ARHGEF28: variants seen among roughly 807,000 people sequenced by gnomAD.
ARHGEF28 encodes 190 kDa guanine nucleotide exchange factor.
Under a neutral mutation model 206.6 loss-of-function variants are expected in ARHGEF28, and 152 were observed. The ratio of observed to expected loss-of-function variants is 0.74; its 90% CI spans 0.64 to 0.84. The LOEUF (loss-of-function observed/expected upper bound fraction) is 0.84, where lower values mean the gene tolerates loss of function less well. Among genes scored for constraint, ARHGEF28 ranks in the 40% least tolerant of loss-of-function variants. The pLI is 0.00. For missense variants in ARHGEF28, 2,028 were observed against 2,073.2 expected (o/e 0.98, Z 0.42); for synonymous variants, 763 against 776.4 (o/e 0.98, Z 0.29).
chr5:73,730,060 A>T (rs1427106993), intron 2 of ARHGEF28, among the ~76,000 whole-genome samples: 1 of 152,222 alleles, frequency 6.6e-6, no homozygotes. Flanking sequence ...TCGCCATCTA[A>T]TTCTGATCTA....
chr5:73,742,787 G>GTGAGC (rs1274780286), intron 2 of ARHGEF28, among the ~76,000 whole-genome samples: 7 of 145,326 alleles, frequency 4.8e-5, no homozygotes, highest in Non-Finnish European at 7.5e-5. Flanking sequence ...TTGCGCCACT[G>GTGAGC]CAGTCCGCAG....
chr5:73,689,664 C>T (rs768503921), intron 2 of ARHGEF28, among the ~76,000 whole-genome samples: 1 of 152,044 alleles, frequency 6.6e-6, no homozygotes, highest in Non-Finnish European at 1.5e-5. Context: ...TATATATGAG[C>T]ATTGCAAATC....
At chr5:73,679,348 C>G (rs777818319) in intron 1 of ARHGEF28, among the ~76,000 whole-genome samples, 31 of 152,174 alleles carry the variant, frequency 2.0e-4, no homozygotes, top group African/African-American at 7.5e-4. Flanking sequence ...AGGCAGATCA[C>G]CTGAGGTCAG....
At chr5:73,881,191 T>C (rs1394923418) in intron 22 of ARHGEF28, among the ~76,000 whole-genome samples, 1 of 152,206 alleles carries the variant, frequency 6.6e-6, no homozygotes, top group African/African-American at 2.4e-5. Context: ...TATCTTTCCA[T>C]AGTCTTAGTA....
intron 1 of ARHGEF28, among the ~76,000 whole-genome samples, chr5:73,663,383 G>C (rs73762149): frequency 0.019 from 2,938 of 152,280 alleles, 95 homozygotes; most frequent in African/African-American, 0.068. Flanking sequence ...CTCCAGGACT[G>C]GTGTGCCCTC....
chr5:73,637,587 G>A (rs1413226768), intron 1 of ARHGEF28, among the ~76,000 whole-genome samples: 3 of 152,224 alleles, frequency 2.0e-5, no homozygotes, highest in Admixed American at 1.3e-4. Flanking sequence ...TACTTGCTGA[G>A]TGTAGGGGCT....
chr5:73,698,747 G>A (rs1055274035), intron 2 of ARHGEF28, among the ~76,000 whole-genome samples: 3 of 152,082 alleles, frequency 2.0e-5, no homozygotes, highest in African/African-American at 7.2e-5. Flanking sequence ...GAAGCCACAG[G>A]AGAGGCAAAT....
intron 2 of ARHGEF28, among the ~76,000 whole-genome samples, chr5:73,729,250 C>G (rs1750464237): frequency 6.6e-6 from 1 of 152,170 alleles, no homozygotes; most frequent in Non-Finnish European, 1.5e-5. Flanking sequence ...AGACACCTAC[C>G]TCAAAGGACT....
chr5:73,858,021 T>C, intron 15 of ARHGEF28, 66 bp from the exon 16 acceptor site: 1 of 1,539,840 alleles, frequency 6.5e-7, no homozygotes, highest in Non-Finnish European at 8.7e-7. Flanking sequence ...TATAAGAAAG[T>C]TGGCTCACAG....
At chr5:73,692,324 C>T (rs1747883731) in intron 2 of ARHGEF28, among the ~76,000 whole-genome samples, 2 of 152,024 alleles carry the variant, frequency 1.3e-5, no homozygotes, top group South Asian at 2.1e-4. Context: ...AGGTGCTGTG[C>T]AGACATGTTA....
chr5:73,883,698 T>C (rs1474918154), intron 23 of ARHGEF28, 69 bp from the exon 24 acceptor site: 2 of 955,280 alleles, frequency 2.1e-6, no homozygotes, highest in East Asian at 2.9e-5. Flanking sequence ...ATTCTTTGTA[T>C]TGTTACATTC....
intron 10 of ARHGEF28, among the ~76,000 whole-genome samples, chr5:73,832,913 G>A (rs749908127): frequency 1.1e-4 from 17 of 152,146 alleles, no homozygotes; most frequent in Non-Finnish European, 2.2e-4. Flanking sequence ...TCGATACAAC[G>A]CATCTATTAA....
At chr5:73,729,143 T>G (rs1044169793) in intron 2 of ARHGEF28, among the ~76,000 whole-genome samples, 1 of 152,180 alleles carries the variant, frequency 6.6e-6, no homozygotes, top group African/African-American at 2.4e-5. Context: ...TTTAAGAGAC[T>G]GCCTGGCTCA....
chr5:73,731,108 C>T (rs1272890295), intron 2 of ARHGEF28, among the ~76,000 whole-genome samples: 1 of 151,736 alleles, frequency 6.6e-6, no homozygotes, highest in Non-Finnish European at 1.5e-5. Context: ...CTGTGCTCAA[C>T]CTAATTTAGC....
rs531764974 is a variant in ARHGEF28 at position 73,878,002 on chromosome 5, C to T, written c.2815-4470C>T. 3.9e-5 allele frequency among the ~76,000 whole-genome samples: 6 copies of T among 152,288 alleles called. No homozygotes were observed. The South Asian group carries it at 1.2e-3, about 32-fold the overall frequency. The stretch of plus-strand genomic sequence containing the variant: ...CTTGTTAACTTTCTGTCTGGTTGAT[C>T]TGTCTAATGCTGACAGTGGGGTGTT... On this transcript the variant is annotated intron_variant, in intron 22 of 35. Coordinates refer to ENST00000513042, the MANE Select transcript of ARHGEF28 (RefSeq NM_001177693.2).
At chr5:73,860,342 A>C (rs978887868) in intron 16 of ARHGEF28, among the ~76,000 whole-genome samples, 5 of 152,214 alleles carry the variant, frequency 3.3e-5, no homozygotes, top group African/African-American at 1.2e-4. Flanking sequence ...ACTTTGGAGA[A>C]TTATGGTAAA....
intron 35 of ARHGEF28, 25 bp from the exon 36 acceptor site, chr5:73,940,819 A>G: frequency 2.5e-5 from 36 of 1,452,040 alleles, no homozygotes; most frequent in Non-Finnish European, 3.2e-5. Flanking sequence ...GGCCTCCTGT[A>G]ACCTGTGCTG....
intron 26 of ARHGEF28, among the ~76,000 whole-genome samples, chr5:73,888,342 G>A (rs1761427399): frequency 6.6e-6 from 1 of 152,218 alleles, no homozygotes; most frequent in Non-Finnish European, 1.5e-5. Context: ...AAGAAGGCTT[G>A]AAGAAGTCTC....
chr5:73,648,350 A>C (rs1744578023), intron 1 of ARHGEF28, among the ~76,000 whole-genome samples: 1 of 152,150 alleles, frequency 6.6e-6, no homozygotes, highest in African/African-American at 2.4e-5. Context: ...ATCAAGATCG[A>C]GTTGTTTATG....
Sources: gnomAD v4.1 joint callset for allele counts (sites outside exome capture counted in the v4.1 genomes callset) on GRCh38, gnomAD v4.1.1 for gene constraint, MANE v1.5 for transcripts, NCBI Gene and HGNC (gene_info 2026-07-23, HGNC 2026-07-21) for gene names.